The following GALNT10 variants were observed in gnomAD, a reference collection of about 807,000 sequenced individuals.
The protein encoded by GALNT10 is GalNAc transferase 10.
GALNT10 carries 41 observed loss-of-function variants against 75.0 expected under a neutral mutation model. That is an observed-to-expected ratio of 0.55 (90% CI 0.43 to 0.71). GALNT10 has a LOEUF of 0.71. Ranked by LOEUF, GALNT10 falls within the 30% of genes least tolerant of loss-of-function variation. The pLI, the probability that GALNT10 is intolerant of heterozygous loss-of-function variation, is 0.00. For synonymous variants in GALNT10, 302 were observed against 313.0 expected, an observed-to-expected ratio of 0.96 and a Z score of 0.37; for missense variants, 727 against 818.5, an observed-to-expected ratio of 0.89 and a Z score of 1.36.
At chr5:154,212,246 C>T (rs1338342569) in intron 1 of GALNT10, among the ~76,000 whole-genome samples, 1 of 152,222 alleles carries the variant, frequency 6.6e-6, no homozygotes, top group Non-Finnish European at 1.5e-5. Context: ...TTGGAAGGAA[C>T]TGACACTGCC....
intron 1 of GALNT10, among the ~76,000 whole-genome samples, chr5:154,215,492 A>AAAAAC (rs1240433970): frequency 2.0e-5 from 3 of 152,172 alleles, no homozygotes; most frequent in Admixed American, 6.5e-5. Context: ...TCAAAAAACA[A>AAAAAC]AAAACAAAAC....
chr5:154,363,418 T>C (rs916141705), intron 4 of GALNT10, among the ~76,000 whole-genome samples: 9 of 150,922 alleles, frequency 6.0e-5, no homozygotes, highest in Non-Finnish European at 4.4e-5. Context: ...GTATCAATTT[T>C]GGTGTGTCTT....
intron 5 of GALNT10, among the ~76,000 whole-genome samples, chr5:154,377,124 A>T (rs1340839926): frequency 6.6e-6 from 1 of 152,190 alleles, no homozygotes; most frequent in Non-Finnish European, 1.5e-5. Flanking sequence ...GGGCAGCGTG[A>T]TCCACTAGCC....
intron 3 of GALNT10, among the ~76,000 whole-genome samples, chr5:154,302,611 C>G (rs1302246375): frequency 1.3e-5 from 2 of 152,198 alleles, no homozygotes; most frequent in Non-Finnish European, 2.9e-5. Context: ...TTCTCCTATG[C>G]AAAGATTATC....
intron 1 of GALNT10, among the ~76,000 whole-genome samples, chr5:154,255,228 A>G (rs1055757360): frequency 1.2e-4 from 18 of 152,180 alleles, no homozygotes; most frequent in African/African-American, 4.3e-4. Flanking sequence ...AATAATTAGG[A>G]AAATGGGACC....
chr5:154,266,925 T>A (rs1753783767), intron 1 of GALNT10, among the ~76,000 whole-genome samples: 1 of 152,160 alleles, frequency 6.6e-6, no homozygotes, highest in Non-Finnish European at 1.5e-5. Flanking sequence ...TGCTCCAAAT[T>A]TTAATTGATC....
chr5:154,384,312 T>C (rs1416987695), intron 6 of GALNT10, among the ~76,000 whole-genome samples: 1 of 152,176 alleles, frequency 6.6e-6, no homozygotes, highest in East Asian at 1.9e-4. Flanking sequence ...ATCAGCACTG[T>C]CCAATATAAT....
intron 1 of GALNT10, among the ~76,000 whole-genome samples, chr5:154,237,293 C>T (rs1176574401): frequency 6.6e-6 from 1 of 152,150 alleles, no homozygotes; most frequent in African/African-American, 2.4e-5. Flanking sequence ...CTCTTGATTT[C>T]AGAGAGGTGC....
intron 7 of GALNT10, among the ~76,000 whole-genome samples, chr5:154,395,550 C>T (rs116109626): frequency 9.5e-4 from 145 of 152,300 alleles, no homozygotes; most frequent in Middle Eastern, 3.4e-3. Context: ...TTATTGTGAT[C>T]GGGCTGTGGT....
At chr5:154,257,445 T>C (rs1432821032) in intron 1 of GALNT10, among the ~76,000 whole-genome samples, 2 of 152,208 alleles carry the variant, frequency 1.3e-5, no homozygotes, top group African/African-American at 2.4e-5. Context: ...ACATTTGTCT[T>C]AGGACTCTTT....
intron 1 of GALNT10, among the ~76,000 whole-genome samples, chr5:154,198,545 A>G (rs116075844): frequency 0.014 from 2,155 of 152,340 alleles, 49 homozygotes; most frequent in African/African-American, 0.049. Context: ...GGAAGAAGCC[A>G]GGTGGGTGCA....
At chr5:154,390,656 A>C (rs563862163) in intron 7 of GALNT10, among the ~76,000 whole-genome samples, 9 of 152,318 alleles carry the variant, frequency 5.9e-5, no homozygotes, top group South Asian at 2.1e-4. Flanking sequence ...CCCTGGCCAG[A>C]ATCAGCCTCC....
chr5:154,265,593 C>A (rs924584803), intron 1 of GALNT10, among the ~76,000 whole-genome samples: 3 of 152,156 alleles, frequency 2.0e-5, no homozygotes, highest in Admixed American at 6.6e-5. Context: ...CTGTTTATAT[C>A]CTAGCAGCAA....
rs573251248 is a variant in GALNT10, at chr5:154,243,091, C to T, written c.160-51725C>T. ...GAGCTGGTTACTTCATGTCTCTGTG[C>T]CTTCTCTCCCATCTGCAAAATGAGA... On this transcript the variant is annotated intron_variant, in intron 1 of 11. Coordinates refer to ENST00000297107, the MANE Select transcript of GALNT10 (RefSeq NM_198321.4). 2.0e-5 allele frequency among the ~76,000 whole-genome samples: 3 copies of T among 151,764 alleles called. No individual in the cohort carries two copies. In the East Asian group the frequency reaches 5.9e-4, roughly 30 times the overall value.
At chr5:154,264,974 C>A (rs1416933618) in intron 1 of GALNT10, among the ~76,000 whole-genome samples, 1 of 152,186 alleles carries the variant, frequency 6.6e-6, no homozygotes, top group Non-Finnish European at 1.5e-5. Context: ...CCAGTCAGAG[C>A]TCCCTTCCTG....
chr5:154,379,934 G>A (rs188408920), intron 5 of GALNT10, among the ~76,000 whole-genome samples: 2 of 152,266 alleles, frequency 1.3e-5, no homozygotes, highest in African/African-American at 2.4e-5. Context: ...ACAGCCTAGG[G>A]TGCCAGTGAG....
intron 7 of GALNT10, among the ~76,000 whole-genome samples, chr5:154,393,717 T>G (rs551632885): frequency 6.6e-6 from 1 of 152,114 alleles, no homozygotes; most frequent in Non-Finnish European, 1.5e-5. Flanking sequence ...GCTGCGTGCC[T>G]GTAGTCCCAG....
At chr5:154,341,682 C>T (rs1039736831) in intron 4 of GALNT10, among the ~76,000 whole-genome samples, 3 of 152,206 alleles carry the variant, frequency 2.0e-5, no homozygotes, top group Non-Finnish European at 2.9e-5. Context: ...CCTGACCCTT[C>T]ACAGCATTCA....
In GALNT10 at chr5:154,417,668, A is replaced by G. The variant is rs1279090905; in HGVS notation, c.*696A>G. ...TTCTTTGCAGCTATGGACATGCGGGATATCTCCCCCTGCTCTCTGGGTATT... is the reference window on the plus strand; with the variant it reads ...TTCTTTGCAGCTATGGACATGCGGGGTATCTCCCCCTGCTCTCTGGGTATT... On this transcript the variant is annotated 3_prime_UTR_variant, in exon 12 of 12. Transcript: ENST00000297107. 2 of 152,286 alleles carry G rather than the reference A, an allele frequency of 1.3e-5. No individual in the cohort carries two copies. Among genetic ancestry groups the G allele is most frequent in the Admixed American group, 6.5e-5 (1 of 15,280 alleles). The allele number at this position is 152,286 out of a possible 1,614,324, so 9.4% of individuals were successfully genotyped here. A position where few individuals can be genotyped will look rare whatever the true frequency, so the allele number is the denominator to read the frequency against.
Sources: allele counts gnomAD v4.1 joint callset (sites outside exome capture counted in the v4.1 genomes callset), GRCh38; gene constraint gnomAD v4.1.1; transcripts MANE v1.5; gene names NCBI Gene and HGNC (gene_info 2026-07-23, HGNC 2026-07-21).